The following UST variants were observed in gnomAD, a reference collection of about 807,000 sequenced individuals.
UST encodes uronyl 2-sulfotransferase.
UST carries 21 observed loss-of-function variants against 45.6 expected under a neutral mutation model. The ratio of observed to expected loss-of-function variants is 0.46; its 90% CI spans 0.33 to 0.66. The LOEUF is 0.66. UST is among the 30% of genes least tolerant of loss of function. The pLI, the probability that UST is intolerant of heterozygous loss-of-function variation, is 0.02. For missense variants in UST, 463 were observed against 512.4 expected (o/e 0.90, Z 0.93); for synonymous variants, 215 against 200.6 (o/e 1.07, Z -0.61).
chr6:148,847,023 T>A (rs1185121395), intron 1 of UST, among the ~76,000 whole-genome samples: 1 of 152,256 alleles, frequency 6.6e-6, no homozygotes, highest in African/African-American at 2.4e-5. Flanking sequence ...CAGCAATATG[T>A]CCATCTGACA....
intron 1 of UST, among the ~76,000 whole-genome samples, chr6:148,868,457 G>GACAA (rs369636779): frequency 1.3e-5 from 2 of 151,618 alleles, no homozygotes; most frequent in African/African-American, 4.8e-5. Context: ...ATTCAAAAGT[G>GACAA]AGTGACTCAC....
intron 7 of UST, among the ~76,000 whole-genome samples, chr6:149,030,574 T>C (rs1017220161): frequency 2.0e-5 from 3 of 152,178 alleles, no homozygotes; most frequent in Non-Finnish European, 2.9e-5. Flanking sequence ...TCATAGATGA[T>C]TGTTTTTAAA....
At chr6:148,769,615 C>T (rs1776382061) in intron 1 of UST, among the ~76,000 whole-genome samples, 1 of 152,220 alleles carries the variant, frequency 6.6e-6, no homozygotes, top group Non-Finnish European at 1.5e-5. Flanking sequence ...GTGGTATTCT[C>T]CAGCCTAGAA....
At chr6:148,799,800 A>C (rs1222101035) in intron 1 of UST, among the ~76,000 whole-genome samples, 1 of 152,178 alleles carries the variant, frequency 6.6e-6, no homozygotes, top group Non-Finnish European at 1.5e-5. Context: ...TATGCAAAAT[A>C]TTGCTGGCAT....
intron 3 of UST, among the ~76,000 whole-genome samples, chr6:148,942,700 G>T (rs190261511): frequency 6.6e-6 from 1 of 152,038 alleles, no homozygotes; most frequent in Non-Finnish European, 1.5e-5. Flanking sequence ...TACCAATTGC[G>T]TATTTCCATT....
chr6:148,840,182 A>C (rs1207309937), intron 1 of UST, among the ~76,000 whole-genome samples: 1 of 152,206 alleles, frequency 6.6e-6, no homozygotes, highest in East Asian at 1.9e-4. Flanking sequence ...CCCAGAGATC[A>C]GGCAACCTCT....
intron 2 of UST, among the ~76,000 whole-genome samples, chr6:148,892,772 A>G (rs1308207474): frequency 6.6e-6 from 1 of 152,090 alleles, no homozygotes; most frequent in Non-Finnish European, 1.5e-5. Context: ...GTCTTCTTAA[A>G]CCTTATTTGG....
chr6:148,819,612 T>C (rs1343835946), intron 1 of UST, among the ~76,000 whole-genome samples: 1 of 152,234 alleles, frequency 6.6e-6, no homozygotes, highest in Non-Finnish European at 1.5e-5. Context: ...CTTAAACAAG[T>C]TAAGAACTGG....
At chr6:148,822,661 A>T (rs1293842979) in intron 1 of UST, among the ~76,000 whole-genome samples, 1 of 152,208 alleles carries the variant, frequency 6.6e-6, no homozygotes, top group Non-Finnish European at 1.5e-5. Context: ...GTCGGGGAAT[A>T]TGAGTAATTT....
At chr6:148,827,558 A>G (rs775280256) in intron 1 of UST, among the ~76,000 whole-genome samples, 6 of 151,864 alleles carry the variant, frequency 4.0e-5, no homozygotes, top group East Asian at 1.9e-4. Context: ...GGAGATTGCA[A>G]TGAGCTGAGA....
At chr6:149,008,342 G>A (rs1358353999) in intron 5 of UST, among the ~76,000 whole-genome samples, 3 of 152,148 alleles carry the variant, frequency 2.0e-5, no homozygotes, top group Non-Finnish European at 4.4e-5. Flanking sequence ...CCTTTGCATT[G>A]ATTTTATTTC....
At chr6:148,800,854 G>A (rs1777046861) in intron 1 of UST, among the ~76,000 whole-genome samples, 2 of 150,726 alleles carry the variant, frequency 1.3e-5, no homozygotes, top group Admixed American at 1.3e-4. Flanking sequence ...AAAACCCTGA[G>A]GGAATTCAAG....
chr6:148,960,096 C>G (rs533078057), intron 4 of UST, among the ~76,000 whole-genome samples: 3 of 152,038 alleles, frequency 2.0e-5, no homozygotes, highest in African/African-American at 7.2e-5. Flanking sequence ...CGAGACCAGC[C>G]TGGCCAACAC....
At chr6:148,991,753 A>T (rs1177927427) in intron 5 of UST, among the ~76,000 whole-genome samples, 2 of 152,302 alleles carry the variant, frequency 1.3e-5, no homozygotes, top group East Asian at 3.9e-4. Flanking sequence ...ACAACTTTGT[A>T]GTATTTTGAT....
intron 1 of UST, among the ~76,000 whole-genome samples, chr6:148,798,952 C>A (rs1019032006): frequency 6.6e-6 from 1 of 152,136 alleles, no homozygotes; most frequent in Non-Finnish European, 1.5e-5. Context: ...TCGCTGCAAC[C>A]TCTGCCTCTC....
chr6:148,806,628 C>T (rs1030299794), intron 1 of UST, among the ~76,000 whole-genome samples: 2 of 152,058 alleles, frequency 1.3e-5, no homozygotes, highest in Non-Finnish European at 2.9e-5. Context: ...CGTGAGCCAT[C>T]GCACCCGGCC....
At chr6:148,812,695 G>A (rs1046859669) in intron 1 of UST, among the ~76,000 whole-genome samples, 3 of 152,082 alleles carry the variant, frequency 2.0e-5, no homozygotes, top group Non-Finnish European at 4.4e-5. Flanking sequence ...TGGAATGAGT[G>A]ATGAGAGAAA....
intron 7 of UST, among the ~76,000 whole-genome samples, chr6:149,063,507 A>G (rs894928761): frequency 6.6e-6 from 1 of 152,224 alleles, no homozygotes; most frequent in Non-Finnish European, 1.5e-5. Context: ...TGGTCCCAAA[A>G]GGCAACCAAA....
At chr6:148,783,816 T>C (rs931195759) in intron 1 of UST, among the ~76,000 whole-genome samples, 5 of 152,180 alleles carry the variant, frequency 3.3e-5, no homozygotes, top group African/African-American at 9.6e-5. Context: ...AAGGTTCCCC[T>C]GTGCAGTGGG....
Sources: allele counts gnomAD v4.1 joint callset (sites outside exome capture counted in the v4.1 genomes callset), GRCh38; gene constraint gnomAD v4.1.1; transcripts MANE v1.5; gene names NCBI Gene and HGNC (gene_info 2026-07-23, HGNC 2026-07-21).